Variants in CFAP74 observed in about 807,000 individuals in gnomAD.
CFAP74 encodes the protein cilia and flagella associated protein 74, also known as cilia- and flagella-associated protein 74.
In CFAP74, 124 loss-of-function variants were observed where a neutral mutation model predicts 188.9. The ratio of observed to expected loss-of-function variants is 0.66; its 90% CI spans 0.57 to 0.76. CFAP74 has a LOEUF of 0.76. Among genes scored for constraint, CFAP74 ranks in the 30% least tolerant of loss-of-function variants. CFAP74 has a pLI of 0.00. For missense variants in CFAP74, 2,198 were observed against 2,165.2 expected (o/e 1.02, Z -0.30); for synonymous variants, 956 against 916.7 (o/e 1.04, Z -0.77).
chr1:1,922,392 G>A lies in CFAP74; in HGVS notation c.4819-4C>T. The A allele has an allele frequency of 6.2e-7, 1 of 1,603,116 alleles. No homozygotes were observed. Among genetic ancestry groups the A allele is most frequent in the Non-Finnish European group, 8.5e-7 (1 of 1,176,854 alleles). ...ACACCATGAGTGGGTGGTCTGGCTG[G>A]AACAGGAGGGGAGGGGAGAAGAGGC... On this transcript the variant is annotated splice_region_variant and splice_polypyrimidine_tract_variant and intron_variant, in intron 38 of 38. Transcript: ENST00000682832.
chr1:1,923,107 C>A lies in CFAP74; in HGVS notation c.4561G>T (p.Glu1521Ter), dbSNP rs28633659. The change falls in exon 37 of 39, where the codon GAG becomes TAG. Residue 1521 changes from glutamate (E) to a stop codon, truncating the protein, a stop_gained. Coordinates refer to ENST00000682832, the MANE Select transcript of CFAP74 (RefSeq NM_001304360.2). LOFTEE classifies it high-confidence loss of function. This position sits in a 1 kb window ranked among gnomAD's most constrained non-coding sequence, Gnocchi z 6.3. ...AGGGTCACCAGGATGGGCCTCAGCTCCTCAGCTTCTGGAGAGAGAGGGCCT... is the reference window on the plus strand; with the variant it reads ...AGGGTCACCAGGATGGGCCTCAGCTACTCAGCTTCTGGAGAGAGAGGGCCT... ...RPGPLSPEAE[E>*]LRPILVTLDY... The A allele has an allele frequency of 6.2e-7, 1 of 1,608,828 alleles. No homozygotes were observed.
In CFAP74 at chr1:1,986,157, G is replaced by A. The variant is rs192870459; in HGVS notation, c.396-667C>T. Among the ~76,000 whole-genome samples, 528 of 152,296 alleles carry A rather than the reference G, an allele frequency of 3.5e-3. 2 individuals are homozygous for A. Among genetic ancestry groups the A allele is most frequent in the African/African-American group, 0.012 (501 of 41,562 alleles). ...TCCAGCAATTTGGGAGGCCGAGGCGGGTGGATCACAAGGTCAGGAGTTCAA... is the reference window on the plus strand; with the variant it reads ...TCCAGCAATTTGGGAGGCCGAGGCGAGTGGATCACAAGGTCAGGAGTTCAA... On this transcript the variant is annotated intron_variant, in intron 5 of 38. Coordinates refer to ENST00000682832, the MANE Select transcript of CFAP74 (RefSeq NM_001304360.2).
At chr1:1,960,916 G>A (rs1365227331) in intron 14 of CFAP74, among the ~76,000 whole-genome samples, 1 of 152,186 alleles carries the variant, frequency 6.6e-6, no homozygotes, top group African/African-American at 2.4e-5. Context: ...GATGTTAGAG[G>A]ACGTATAGAT....
Position 1,940,379 on chromosome 1 carries a change from C to A in CFAP74, c.2640G>T (p.Gly880=). ...CTCGGGTCTCCTTGTCAAAATACCT[C>A]CCTGCGTCCTCCGGGAGGGAGTGTC... is the stretch of plus-strand genomic sequence containing the variant. ...LPRHSLPEDA[G]RYFDKETRVL... The change falls in exon 23 of 39, where the codon GGG becomes GGT. Residue 880 remains glycine, a synonymous_variant. Coordinates refer to ENST00000682832, the MANE Select transcript of CFAP74 (RefSeq NM_001304360.2). 6.5e-7 allele frequency: 1 copy of A among 1,534,478 alleles called. No individual in the cohort carries two copies. Among genetic ancestry groups the A allele is most frequent in the Non-Finnish European group, 8.7e-7 (1 of 1,146,186 alleles).
chr1:1,928,901 G>A lies in CFAP74; in HGVS notation c.3289-19C>T. On this transcript the variant is annotated intron_variant, in intron 26 of 38. Transcript: ENST00000682832. ...GGCACCTCTGAGGAGAGACCAGCGT[G>A]GGCACAGGGGTTGCCACTTCCCTCC... 3 of 1,515,584 alleles carry A rather than the reference G, an allele frequency of 2.0e-6. No homozygotes were observed. Among genetic ancestry groups the A allele is most frequent in the Non-Finnish European group, 1.8e-6 (2 of 1,129,178 alleles). 93.9% of individuals were successfully genotyped at this position (1,515,584 alleles called of 1,614,324 possible). A position where few individuals can be genotyped will look rare whatever the true frequency, so the allele number is the denominator to read the frequency against.
intron 21 of CFAP74, among the ~76,000 whole-genome samples, chr1:1,943,215 C>T (rs1459721556): frequency 1.3e-5 from 2 of 152,344 alleles, no homozygotes; most frequent in East Asian, 3.9e-4. Context: ...CCTCAATGCC[C>T]GACAGACACG....
At chr1:1,934,780 G>A (rs1333656152) in intron 25 of CFAP74, among the ~76,000 whole-genome samples, 4 of 132,004 alleles carry the variant, frequency 3.0e-5, no homozygotes, top group Non-Finnish European at 6.4e-5. Context: ...TGTGTACGTG[G>A]GTGTTAGGTT....
intron 1 of CFAP74, among the ~76,000 whole-genome samples, chr1:2,000,335 G>A (rs201940279): frequency 2.6e-5 from 4 of 152,326 alleles, no homozygotes; most frequent in Admixed American, 6.5e-5. Context: ...GACGTGCCAC[G>A]TCCCCTAACA....
At position 1,968,535 on chromosome 1, in the gene CFAP74, C is replaced by T. The variant is rs1655640790; in HGVS notation, c.1245+100G>A. The T allele has an allele frequency of 9.8e-7, 1 of 1,025,290 alleles. No homozygotes were observed. The highest frequency in any genetic ancestry group is 2.4e-5 in the East Asian group (1 of 42,010). The allele number at this position is 1,025,290 out of a possible 1,614,324, so 63.5% of individuals were successfully genotyped here. ...CAACCCCCTGCAGGTGGCCATGGTG[C>T]TGAGGTCCTCAGAGGATGTCTCACC... On this transcript the variant is annotated intron_variant, in intron 11 of 38. Transcript: ENST00000682832. This position sits in a 1 kb window ranked among gnomAD's most constrained non-coding sequence, Gnocchi z 4.3.
At chr1:1,986,858 G>C in intron 5 of CFAP74, 79 bp downstream of exon 5, 1 of 1,210,984 alleles carries the variant, frequency 8.3e-7, no homozygotes, top group South Asian at 1.3e-5. Context: ...GGTGCTTCAC[G>C]CCTCACTTTG....
rs1655270540 is a variant in CFAP74 at position 1,963,817 on chromosome 1, GGTGTTTACCAAC to G, written c.1614_1625del (p.Leu539_Thr542del). ...GCTTGCAGTAGTTGATCGTGTAGGT[GGTGTTTACCAAC>G]GTGATCTTTTTCTTGTACACTTTGC... is the stretch of plus-strand genomic sequence containing the variant. On this transcript the variant is annotated inframe_deletion, in exon 14 of 39. Coordinates refer to ENST00000682832, the MANE Select transcript of CFAP74 (RefSeq NM_001304360.2). 6.2e-7 allele frequency: 1 copy of G among 1,613,886 alleles called. No individual in the cohort carries two copies. The highest frequency in any genetic ancestry group is 2.2e-5 in the East Asian group (1 of 44,868).
rs142099049 is a variant in CFAP74, at chr1:1,990,225, G to A, written c.67+665C>T. 2.5e-4 allele frequency among the ~76,000 whole-genome samples: 38 copies of A among 152,302 alleles called. 1 individual carries two copies. The East Asian group carries it at 5.8e-3, about 23-fold the overall frequency. On this transcript the variant is annotated intron_variant, in intron 2 of 38. Transcript: ENST00000682832. ...TTTTAAGAATGTAAAGGGGTTCTCA[G>A]ACAAAAGAGGCTGAAGGTCACTATC...
At chr1:1,993,644 A>T in intron 1 of CFAP74, among the ~76,000 whole-genome samples, 1 of 149,474 alleles carries the variant, frequency 6.7e-6, no homozygotes, top group South Asian at 2.1e-4. Flanking sequence ...TATTAATCAC[A>T]TTGTGCTTGT....
intron 1 of CFAP74, among the ~76,000 whole-genome samples, chr1:1,997,633 T>C (rs956414974): frequency 1.3e-5 from 2 of 152,156 alleles, no homozygotes; most frequent in Admixed American, 1.3e-4. Context: ...AAATGAGATT[T>C]AGAAAAGCTA....
chr1:1,961,963 G>A (rs1239791614), intron 14 of CFAP74, among the ~76,000 whole-genome samples: 1 of 152,240 alleles, frequency 6.6e-6, no homozygotes, highest in East Asian at 1.9e-4. Context: ...GATGCCTCGT[G>A]GGAGAAGAGG....
chr1:1,992,477 A>AT (rs34753436), intron 1 of CFAP74, among the ~76,000 whole-genome samples: 288 of 138,790 alleles, frequency 2.1e-3, no homozygotes, highest in African/African-American at 4.9e-3. Context: ...ACCAAAAACA[A>AT]TTTTTTTTTT....
chr1:1,930,724 C>A (rs550381991), intron 25 of CFAP74, among the ~76,000 whole-genome samples: 91 of 152,180 alleles, frequency 6.0e-4, no homozygotes, highest in African/African-American at 2.1e-3. Context: ...TCCTGGGTAG[C>A]TAAAAATTTA....
chr1:1,986,626 A>G (rs1388722947), intron 5 of CFAP74, among the ~76,000 whole-genome samples: 1 of 152,170 alleles, frequency 6.6e-6, no homozygotes, highest in African/African-American at 2.4e-5. Context: ...TGTGGGACGC[A>G]TGCAGGCCTC....
At chr1:1,976,444 T>C (rs901452337) in intron 6 of CFAP74, among the ~76,000 whole-genome samples, 2 of 152,196 alleles carry the variant, frequency 1.3e-5, no homozygotes, top group African/African-American at 4.8e-5. Context: ...TCCACTGTGA[T>C]TGGAGGCTTC....
Sources: gnomAD v4.1 joint callset for allele counts (sites outside exome capture counted in the v4.1 genomes callset) on GRCh38, gnomAD v4.1.1 for gene constraint, Gnocchi (gnomAD v3.1) non-coding constraint, MANE v1.5 for transcripts, NCBI Gene and HGNC (gene_info 2026-07-23, HGNC 2026-07-21) for gene names.